CEP112: variants seen among roughly 807,000 people sequenced by gnomAD.
CEP112 encodes the protein centrosomal protein 112.
Under a neutral mutation model 153.0 loss-of-function variants are expected in CEP112, and 127 were observed. The observed-to-expected ratio is 0.83, with a 90% CI of 0.72 to 0.96. CEP112 has a LOEUF of 0.96. Among genes scored for constraint, CEP112 ranks in the 40% least tolerant of loss-of-function variants. The pLI is 0.00. For missense variants in CEP112, 1,089 were observed against 1,101.2 expected (o/e 0.99, Z 0.16); for synonymous variants, 358 against 374.4 (o/e 0.96, Z 0.51).
rs201714025 is a variant in CEP112, at chr17:65,948,576, TTA to T, written c.1872+12885_1872+12886del. On this transcript the variant is annotated intron_variant, in intron 18 of 26. Transcript: ENST00000535342. ...CGCTGTTTCTTTGAAAAATATGATT[TTA>T]TATATATATATATACATACATAGAA... 4.7e-3 allele frequency among the ~76,000 whole-genome samples: 534 copies of T among 112,492 alleles called. 4 individuals are homozygous for T. Among genetic ancestry groups the T allele is most frequent in the African/African-American group, 0.014 (475 of 34,020 alleles). 73.8% of individuals were successfully genotyped at this position (112,492 alleles called of 152,430 possible). A position where few individuals can be genotyped will look rare whatever the true frequency, so the allele number is the denominator to read the frequency against.
At chr17:65,892,002 C>T (rs548896260) in intron 20 of CEP112, among the ~76,000 whole-genome samples, 10 of 152,288 alleles carry the variant, frequency 6.6e-5, no homozygotes, top group African/African-American at 2.2e-4. Context: ...TGATACTCTC[C>T]TTGTTAATTT....
chr17:65,904,991 A>T (rs748178836), intron 19 of CEP112, among the ~76,000 whole-genome samples: 24 of 152,244 alleles, frequency 1.6e-4, no homozygotes, highest in Non-Finnish European at 2.1e-4. Flanking sequence ...ACCTAAACCC[A>T]TAAAAATCCT....
chr17:65,981,724 G>A lies in CEP112; in HGVS notation c.1737-20126C>T, dbSNP rs1318354001. Among the ~76,000 whole-genome samples the A allele has an allele frequency of 5.3e-5, 8 of 152,208 alleles. No homozygotes were observed. The Middle Eastern group carries it at 0.014, about 259-fold the overall frequency. On this transcript the variant is annotated intron_variant, in intron 17 of 26. Coordinates refer to ENST00000535342, the MANE Select transcript of CEP112 (RefSeq NM_001199165.4). ...CAACTAGCTGGGATTACAGGCATGCGCCACCATGCCCAGCTAATTTTTGTA... is the reference window on the plus strand; with the variant it reads ...CAACTAGCTGGGATTACAGGCATGCACCACCATGCCCAGCTAATTTTTGTA...
chr17:65,749,787 T>TTCATTAGATATTATTATCTTTTTGTTG (rs1336371343), intron 22 of CEP112, among the ~76,000 whole-genome samples: 1 of 152,228 alleles, frequency 6.6e-6, no homozygotes, highest in East Asian at 1.9e-4. Context: ...CTTTTTGTTG[T>TTCATTAGATATTATTATCTTTTTGTTG]TGTTGTTACT....
At chr17:66,053,581 T>C (rs957802775) in intron 12 of CEP112, among the ~76,000 whole-genome samples, 155 bp downstream of exon 12, 3 of 152,214 alleles carry the variant, frequency 2.0e-5, no homozygotes, top group African/African-American at 7.2e-5. Flanking sequence ...GGTCTGTCCA[T>C]GGCCACACAT....
At chr17:66,189,089 T>C (rs1418589176) in intron 1 of CEP112, among the ~76,000 whole-genome samples, 1 of 152,210 alleles carries the variant, frequency 6.6e-6, no homozygotes, top group Non-Finnish European at 1.5e-5. Context: ...ATTAAATGAC[T>C]AACTCAAAAT....
intron 17 of CEP112, among the ~76,000 whole-genome samples, chr17:65,969,885 T>G (rs1172272069): frequency 1.3e-5 from 2 of 152,342 alleles, no homozygotes; most frequent in South Asian, 4.1e-4. Flanking sequence ...ATGTGTAAAT[T>G]ACATGCATGC....
intron 1 of CEP112, among the ~76,000 whole-genome samples, chr17:66,185,237 T>C (rs1389497878): frequency 6.6e-6 from 1 of 152,208 alleles, no homozygotes; most frequent in South Asian, 2.1e-4. Context: ...AAAATTTTTT[T>C]TGAGACAGAG....
chr17:66,075,602 T>C (rs545711117), intron 8 of CEP112, among the ~76,000 whole-genome samples: 4 of 152,166 alleles, frequency 2.6e-5, no homozygotes, highest in Non-Finnish European at 4.4e-5. Flanking sequence ...GATCAGTAAC[T>C]ATATTAAATT....
At chr17:65,958,334 C>T (rs778628077) in intron 18 of CEP112, among the ~76,000 whole-genome samples, 5 of 152,120 alleles carry the variant, frequency 3.3e-5, no homozygotes, top group Admixed American at 6.5e-5. Flanking sequence ...CTTTTTTTTA[C>T]TGCATGCATA....
At chr17:66,136,131 TA>T (rs2070426662) in intron 4 of CEP112, among the ~76,000 whole-genome samples, 1 of 152,290 alleles carries the variant, frequency 6.6e-6, no homozygotes, top group African/African-American at 2.4e-5. Context: ...CAAGGTTACT[TA>T]AGGGACTTGT....
rs2051226326 is a variant in CEP112, at chr17:65,743,096, A to G, written c.2579T>C (p.Leu860Pro). Residue 860 changes from leucine to proline, a missense_variant, in exon 23 of 27, where the codon CTG (leucine) becomes CCG (proline). Physicochemically the swap from Leu to Pro is moderately conservative, Grantham distance 98 (BLOSUM62 -3). Coordinates refer to ENST00000535342, the MANE Select transcript of CEP112 (RefSeq NM_001199165.4). Reference protein sequence around the residue: ...RQKFEDEKKQLIRDNDQAIKV... With the variant: ...RQKFEDEKKQPIRDNDQAIKV... The stretch of plus-strand genomic sequence containing the variant: ...GATTGCTTGGTCATTATCTCTAATC[A>G]GCTGCTTCTTCTCATCTTCAAACTT... 6.2e-7 allele frequency: 1 copy of G among 1,611,856 alleles called. No homozygotes were observed. Among genetic ancestry groups the G allele is most frequent in the African/African-American group, 1.3e-5 (1 of 75,022 alleles).
intron 23 of CEP112, among the ~76,000 whole-genome samples, chr17:65,707,319 C>T (rs2144668484): frequency 1.3e-5 from 2 of 152,142 alleles, no homozygotes; most frequent in South Asian, 4.2e-4. Flanking sequence ...AACCTACCCA[C>T]TTCTCTCCAT....
Position 65,778,737 on chromosome 17 carries a change from T to C in CEP112, c.2395-28013A>G, listed in dbSNP as rs566083665. Among the ~76,000 whole-genome samples the C allele has an allele frequency of 1.1e-4, 16 of 152,308 alleles. No individual in the cohort carries two copies. The East Asian group carries it at 1.5e-3, about 15-fold the overall frequency. ...GTGGAAGTGAAAAAGTTTCTAAGTA[T>C]AGAAAAATATGATTTACTATACTTT... On this transcript the variant is annotated intron_variant, in intron 21 of 26. Coordinates refer to ENST00000535342, the MANE Select transcript of CEP112 (RefSeq NM_001199165.4).
chr17:65,858,023 G>T (rs1398228383), intron 20 of CEP112, among the ~76,000 whole-genome samples: 1 of 152,004 alleles, frequency 6.6e-6, no homozygotes, highest in African/African-American at 2.4e-5. Context: ...TTTGACATTT[G>T]TTGGCATTTA....
chr17:65,670,364 TA>T lies in CEP112; in HGVS notation c.2697+18764del, dbSNP rs894928534. Among the ~76,000 whole-genome samples, 776 of 144,442 alleles carry T rather than the reference TA, an allele frequency of 5.4e-3. 8 individuals are homozygous for T. The highest frequency in any genetic ancestry group is 0.013 in the African/African-American group (515 of 39,674). 94.8% of individuals were successfully genotyped at this position (144,442 alleles called of 152,430 possible). On this transcript the variant is annotated intron_variant, in intron 24 of 26. Transcript: ENST00000535342. ...TATATTTTTATAACTCAGTTGTAAC[TA>T]AAAAAAAAAACCCTCATAATTGAAA...
intron 18 of CEP112, among the ~76,000 whole-genome samples, chr17:65,938,430 A>G (rs779808134): frequency 0.061 from 9,062 of 148,228 alleles, 523 homozygotes; most frequent in South Asian, 0.11. Flanking sequence ...AAAAAAAAAA[A>G]AAGAAAGAAA....
Position 66,034,454 on chromosome 17 carries a change from A to T in CEP112, c.1219-4431T>A, listed in dbSNP as rs560877191. On this transcript the variant is annotated intron_variant, in intron 12 of 26. Transcript: ENST00000535342. ...ATAAATGTGAACATCATAAAATTTT[A>T]GAAAGTATCAAATTGCTAAAGAAAT... Among the ~76,000 whole-genome samples, 26 of 152,284 alleles carry T rather than the reference A, an allele frequency of 1.7e-4. 1 individual carries two copies. The East Asian group carries it at 4.4e-3, about 26-fold the overall frequency.
intron 17 of CEP112, among the ~76,000 whole-genome samples, chr17:65,970,195 G>A (rs1482084521): frequency 1.6e-5 from 2 of 122,012 alleles, no homozygotes; most frequent in Non-Finnish European, 3.5e-5. Context: ...ATGCATATAT[G>A]CTGCATGCAT....
Sources: allele counts gnomAD v4.1 joint callset (sites outside exome capture counted in the v4.1 genomes callset), GRCh38; gene constraint gnomAD v4.1.1; transcripts MANE v1.5; gene names NCBI Gene and HGNC (gene_info 2026-07-23, HGNC 2026-07-21).